The following KREMEN1 variants were observed in gnomAD, a reference collection of about 807,000 sequenced individuals.
The protein encoded by KREMEN1 is kremen protein 1.
Under a neutral mutation model 46.5 loss-of-function variants are expected in KREMEN1, and 30 were observed. The ratio of observed to expected loss-of-function variants is 0.65; its 90% CI spans 0.48 to 0.88. KREMEN1 has a LOEUF of 0.88. Ranked by LOEUF, KREMEN1 falls within the 40% of genes least tolerant of loss-of-function variation. The pLI is 0.00. For missense variants in KREMEN1, 533 were observed against 596.9 expected (o/e 0.89, Z 1.11); for synonymous variants, 214 against 230.6 (o/e 0.93, Z 0.65).
At chr22:29,118,269 A>G (rs1226931805) in intron 3 of KREMEN1, among the ~76,000 whole-genome samples, 2 of 152,226 alleles carry the variant, frequency 1.3e-5, no homozygotes, top group Non-Finnish European at 2.9e-5. Context: ...AGCAAGATGA[A>G]GTCATAATCT....
intron 5 of KREMEN1, among the ~76,000 whole-genome samples, chr22:29,130,655 G>C (rs955600718): frequency 1.2e-4 from 19 of 152,220 alleles, no homozygotes; most frequent in South Asian, 4.1e-4. Context: ...GGAGCACTCA[G>C]CTGGGGTTCC....
chr22:29,160,328 C>T (rs1013326307), intron 9 of KREMEN1, among the ~76,000 whole-genome samples: 17 of 150,628 alleles, frequency 1.1e-4, no homozygotes, highest in African/African-American at 2.2e-4. Context: ...GTCAGGAGTT[C>T]GAGACCAGCC....
At chr22:29,154,429 G>A (rs1237202969) in intron 9 of KREMEN1, 3 of 152,228 alleles carry the variant, frequency 2.0e-5, no homozygotes, top group Non-Finnish European at 4.4e-5. Context: ...GGGAACAAAT[G>A]CAGAATTTGA....
intron 2 of KREMEN1, among the ~76,000 whole-genome samples, chr22:29,097,447 C>T (rs1280182829): frequency 6.6e-6 from 1 of 152,212 alleles, no homozygotes; most frequent in African/African-American, 2.4e-5. Flanking sequence ...GTTGATACCT[C>T]ATGACAGGAT....
chr22:29,133,247 CAAAAAA>C lies in KREMEN1; in HGVS notation c.632-4086_632-4081del, dbSNP rs147076750. Among the ~76,000 whole-genome samples, 34 of 126,292 alleles carry C rather than the reference CAAAAAA, an allele frequency of 2.7e-4. 1 individual carries two copies. The highest frequency in any genetic ancestry group is 1.3e-3 in the Admixed American group (16 of 12,482). The allele number at this position is 126,292 out of a possible 152,430, so 82.9% of individuals were successfully genotyped here. ...TGGGCAACAGAGCGAGACTCCATCT[CAAAAAA>C]AAAAAAAAGAAAAAAGAAAAAAGAT... On this transcript the variant is annotated intron_variant, in intron 5 of 8. Coordinates refer to ENST00000400335, the MANE Select transcript of KREMEN1 (RefSeq NM_001039570.3).
chr22:29,105,476 CAT>C (rs1236834815), intron 3 of KREMEN1, among the ~76,000 whole-genome samples: 368 of 123,430 alleles, frequency 3.0e-3, no homozygotes, highest in African/African-American at 0.012. Context: ...CACACACACA[CAT>C]ACACACACAC....
intron 1 of KREMEN1, among the ~76,000 whole-genome samples, chr22:29,081,237 C>T (rs996580024): frequency 6.6e-6 from 1 of 152,118 alleles, no homozygotes; most frequent in Non-Finnish European, 1.5e-5. Flanking sequence ...TCATTATCCA[C>T]ATCTAACCTC....
intron 5 of KREMEN1, among the ~76,000 whole-genome samples, chr22:29,136,574 C>CAAAA (rs111377881): frequency 8.0e-6 from 1 of 125,770 alleles, no homozygotes. Context: ...GACTCCTTCT[C>CAAAA]AAAAAAAAAA....
chr22:29,149,491 T>C (rs1038195370), downstream of KREMEN1, among the ~76,000 whole-genome samples: 1 of 152,132 alleles, frequency 6.6e-6, no homozygotes, highest in Middle Eastern at 3.2e-3. Context: ...TCAGCTTCAC[T>C]TGACTGTTTA....
intron 3 of KREMEN1, among the ~76,000 whole-genome samples, chr22:29,102,028 G>T (rs1275908239): frequency 6.6e-6 from 1 of 152,190 alleles, no homozygotes; most frequent in Non-Finnish European, 1.5e-5. Context: ...TTTAAAATAT[G>T]CCAGAAGAGC....
intron 5 of KREMEN1, among the ~76,000 whole-genome samples, chr22:29,135,360 C>T (rs909303807): frequency 6.6e-6 from 1 of 152,160 alleles, no homozygotes. Context: ...ACTCCCTCCC[C>T]CAGAGGCAAA....
At position 29,094,402 on chromosome 22, in the gene KREMEN1, G is replaced by A. The variant is rs759934360; in HGVS notation, c.242G>A (p.Gly81Asp). The A allele has an allele frequency of 6.2e-7, 1 of 1,613,252 alleles. No individual in the cohort carries two copies. The change falls in exon 2 of 9, where the codon GGT (glycine) becomes GAT (aspartate). Residue 81 changes from glycine to aspartate, a missense_variant. Coordinates refer to ENST00000400335, the MANE Select transcript of KREMEN1 (RefSeq NM_001039570.3). ...TACCCCAACGGGGAGGGGGGCCTGG[G>A]TGAGCACAACTATTGCAGGTAAGAT... Reference protein sequence around the residue: ...LKYPNGEGGLGEHNYCRNPDG... With the variant: ...LKYPNGEGGLDEHNYCRNPDG...
Position 29,143,040 on chromosome 22 carries a change from C to A in KREMEN1, c.*928C>A. The A allele has an allele frequency of 2.1e-6, 1 of 471,928 alleles. No homozygotes were observed. Among genetic ancestry groups the A allele is most frequent in the Non-Finnish European group, 2.8e-6 (1 of 360,940 alleles). The allele number at this position is 471,928 out of a possible 1,614,324, so 29.2% of individuals were successfully genotyped here. On this transcript the variant is annotated 3_prime_UTR_variant, in exon 9 of 9. Coordinates refer to ENST00000400335, the MANE Select transcript of KREMEN1 (RefSeq NM_001039570.3). The stretch of plus-strand genomic sequence containing the variant: ...TGGCAGGCGCCTGTAATCCCAGCTA[C>A]TCAGAAGGCTGAGACAGAAGAACAG...
chr22:29,076,626 G>A (rs1360362123), intron 1 of KREMEN1, among the ~76,000 whole-genome samples: 3 of 152,150 alleles, frequency 2.0e-5, no homozygotes, highest in Non-Finnish European at 4.4e-5. Flanking sequence ...CAAGGCAGAC[G>A]GATCACCTGA....
chr22:29,096,433 GCAC>G (rs767437630), intron 2 of KREMEN1, among the ~76,000 whole-genome samples: 14 of 152,068 alleles, frequency 9.2e-5, no homozygotes, highest in Non-Finnish European at 8.8e-5. Flanking sequence ...TTGTGGATTA[GCAC>G]CCACTTCTAC....
intron 1 of KREMEN1, among the ~76,000 whole-genome samples, chr22:29,088,625 T>C (rs1229496011): frequency 6.6e-6 from 1 of 152,218 alleles, no homozygotes; most frequent in Admixed American, 6.5e-5. Context: ...CCACCGCACC[T>C]GGCCTCAGAA....
intron 3 of KREMEN1, among the ~76,000 whole-genome samples, chr22:29,120,279 TGGAGGAGGGAGAGGTGATGATGGAAACAG>T (rs2038320270): frequency 7.0e-4 from 60 of 85,282 alleles, no homozygotes; most frequent in South Asian, 2.7e-3. Flanking sequence ...ATGAAGGAAA[TGGAGGAGGGAGAGGTGATGATGGAAACAG>T]GGAGGAGGGA....
Position 29,142,244 on chromosome 22 carries a change from TC to T in KREMEN1, c.*134del, listed in dbSNP as rs2038776166. The T allele has an allele frequency of 7.3e-7, 1 of 1,377,352 alleles. No individual in the cohort carries two copies. The highest frequency in any genetic ancestry group is 1.5e-5 in the African/African-American group (1 of 67,308). 85.3% of individuals were successfully genotyped at this position (1,377,352 alleles called of 1,614,324 possible). A position where few individuals can be genotyped will look rare whatever the true frequency, so the allele number is the denominator to read the frequency against. ...TGCCTCGGCCTCTTCGGGGAAACCC[TC>T]CTCCTACAGACTAGGAAGAGGCACC... is the stretch of plus-strand genomic sequence containing the variant. On this transcript the variant is annotated 3_prime_UTR_variant, in exon 9 of 9. Transcript: ENST00000400335.
At chr22:29,150,749 T>C (rs1434597507), downstream of KREMEN1, among the ~76,000 whole-genome samples, 2 of 152,202 alleles carry the variant, frequency 1.3e-5, no homozygotes, top group African/African-American at 2.4e-5. Flanking sequence ...CACTTTTGAA[T>C]GTGCAAGGAC....
Sources: allele counts gnomAD v4.1 joint callset (sites outside exome capture counted in the v4.1 genomes callset), GRCh38; gene constraint gnomAD v4.1.1; transcripts MANE v1.5; gene names NCBI Gene and HGNC (gene_info 2026-07-23, HGNC 2026-07-21).